The following UCP3 variants were observed in gnomAD, a reference collection of about 807,000 sequenced individuals.
The protein encoded by UCP3 is uncoupling protein 3.
In UCP3, 24 loss-of-function variants were observed where a neutral mutation model predicts 28.1. The observed-to-expected ratio is 0.85, with a 90% confidence interval of 0.62 to 1.20. UCP3 has a LOEUF of 1.20. Ranked by LOEUF, UCP3 falls within the 50% of genes most tolerant of loss-of-function variation. The probability of loss-of-function intolerance (pLI) is 0.00; values close to 1 mark genes in which losing one functional copy is unlikely to be tolerated. For synonymous variants in UCP3, 184 were observed against 171.2 expected (o/e 1.07, Z -0.59); for missense variants, 397 against 422.2 (o/e 0.94, Z 0.52).
At chr11:74,007,311 A>C in intron 1 of UCP3, 174 bp from the exon 2 acceptor site, 1 of 469,722 alleles carries the variant, frequency 2.1e-6, no homozygotes, top group Non-Finnish European at 3.9e-6. Flanking sequence ...GAATTTTGCA[A>C]TCCTCCTCCT....
At chr11:74,008,710 G>A (rs1437331423) in intron 1 of UCP3, among the ~76,000 whole-genome samples, 1 of 152,188 alleles carries the variant, frequency 6.6e-6, no homozygotes, top group Non-Finnish European at 1.5e-5. Flanking sequence ...CCCACCAGAG[G>A]CAGCCAGCAA....
Position 74,007,320 on chromosome 11 carries a change from C to T in UCP3, c.-95-183G>A, listed in dbSNP as rs553040397. 3 of 449,440 alleles carry T rather than the reference C, an allele frequency of 6.7e-6. No homozygotes were observed. The South Asian group carries it at 6.7e-5, about 10-fold the overall frequency. The allele number at this position is 449,440 out of a possible 1,614,324, so 27.8% of individuals were successfully genotyped here. ...TCCCTTGAATTTTGCAATCCTCCTC[C>T]TGACCCTCTCCCTCCCCTCCTTACC... On this transcript the variant is annotated intron_variant, in intron 1 of 6. Coordinates refer to ENST00000314032, the MANE Select transcript of UCP3 (RefSeq NM_003356.4).
rs2075577 is a variant in UCP3, at chr11:74,004,497, G to A, written c.630C>T (p.Tyr210=). 897,747 of 1,613,248 alleles carry A rather than the reference G, an allele frequency of 0.56. 254,147 individuals are homozygous for A. Among genetic ancestry groups the A allele is most frequent in the African/African-American group, 0.82 (61,381 of 74,992 alleles). Residue 210 remains tyrosine, a synonymous_variant, in exon 5 of 7, where the codon TAC becomes TAT. Coordinates refer to ENST00000314032, the MANE Select transcript of UCP3 (RefSeq NM_003356.4). ...CCAGGGCCTCACCAGTGAGCAGGTG[G>A]TAGTCCAGCAGCTTCTCCTTGAGGA... ...YDILKEKLLD[Y]HLLTDNFPCH... is the part of the protein sequence containing the mutation.
In UCP3 at chr11:74,007,130, C is replaced by A; in HGVS notation, c.-88G>T. 1 of 1,549,670 alleles carries A rather than the reference C, an allele frequency of 6.5e-7. No individual in the cohort carries two copies. Among genetic ancestry groups the A allele is most frequent in the South Asian group, 1.2e-5 (1 of 86,818 alleles). On this transcript the variant is annotated 5_prime_UTR_variant, in exon 2 of 7. Coordinates refer to ENST00000314032, the MANE Select transcript of UCP3 (RefSeq NM_003356.4). ...TCCACAGCCCTGGGCTTCAGTGCAGCGGTGGGGCTGCAGGAGACAGGCCAG... is the reference window on the plus strand; with the variant it reads ...TCCACAGCCCTGGGCTTCAGTGCAGAGGTGGGGCTGCAGGAGACAGGCCAG...
chr11:74,005,392 G>A (rs1025923183), intron 4 of UCP3, among the ~76,000 whole-genome samples: 2 of 152,170 alleles, frequency 1.3e-5, no homozygotes, highest in Non-Finnish European at 2.9e-5. Flanking sequence ...TGCAGAGCCC[G>A]CCTCTGGAGC....
chr11:74,000,617 G>T lies in UCP3; in HGVS notation c.*795C>A, dbSNP rs1951615046. ...CCGACAAAATCTCTCCCAAGGCATTGTCCTTGTAGTTAGATTTACACAGAG... is the reference window on the plus strand; with the variant it reads ...CCGACAAAATCTCTCCCAAGGCATTTTCCTTGTAGTTAGATTTACACAGAG... On this transcript the variant is annotated 3_prime_UTR_variant, in exon 7 of 7. Transcript: ENST00000314032. The T allele has an allele frequency of 6.6e-6, 1 of 152,256 alleles. No individual in the cohort carries two copies. The highest frequency in any genetic ancestry group is 6.5e-5 in the Admixed American group (1 of 15,278). 9.4% of individuals were successfully genotyped at this position (152,256 alleles called of 1,614,324 possible). A position where few individuals can be genotyped will look rare whatever the true frequency, so the allele number is the denominator to read the frequency against.
chr11:74,005,867 T>G lies in UCP3; in HGVS notation c.404A>C (p.Gln135Pro), dbSNP rs763025389. The change falls in exon 4 of 7, where the codon CAG (glutamine) becomes CCG (proline). Residue 135 changes from glutamine (Q) to proline (P), a missense_variant. By Grantham distance (76) the Gln-to-Pro change is moderately conservative. Coordinates refer to ENST00000314032, the MANE Select transcript of UCP3 (RefSeq NM_003356.4). The part of the protein sequence containing the change: ...TTGAMAVTCA[Q>P]PTDVVKVRFQ... Reference sequence around the variant, plus strand: ...TCGGACCTTCACCACATCTGTGGGCTGGGCACAGGTCACCGCCATGGCTCC... The same window carrying G: ...TCGGACCTTCACCACATCTGTGGGCGGGGCACAGGTCACCGCCATGGCTCC... 2 of 1,614,190 alleles carry G rather than the reference T, an allele frequency of 1.2e-6. No individual in the cohort carries two copies. Among genetic ancestry groups the G allele is most frequent in the Non-Finnish European group, 1.7e-6 (2 of 1,180,022 alleles).
chr11:74,004,435 T>C (rs1474951590), intron 5 of UCP3, 49 bp downstream of exon 5: 2 of 1,572,732 alleles, frequency 1.3e-6, no homozygotes, highest in Non-Finnish European at 1.7e-6. Context: ...GAGTTCTGGG[T>C]TCCCTCCCTG....
intron 5 of UCP3, 24 bp downstream of exon 5, chr11:74,004,460 C>A (rs756205603): frequency 5.0e-6 from 8 of 1,612,038 alleles, no homozygotes; most frequent in Admixed American, 3.3e-5. Flanking sequence ...GGGAGAGCTG[C>A]CTGCCTGGAG....
intron 6 of UCP3, chr11:74,002,974 C>T (rs1294555893): frequency 2.0e-6 from 2 of 978,024 alleles, no homozygotes; most frequent in Non-Finnish European, 2.4e-6. Context: ...GGGTTTGAGC[C>T]ATGGCTCCAC....
At chr11:74,006,130 T>G (rs780212008) in intron 3 of UCP3, 39 bp downstream of exon 3, 17 of 1,611,114 alleles carry the variant, frequency 1.1e-5, no homozygotes, top group Non-Finnish European at 1.4e-5. Flanking sequence ...CCACACACTT[T>G]CAGCCACCCC....
At position 74,001,252 on chromosome 11, in the gene UCP3, C is replaced by CCCT. The variant is rs1446528340; in HGVS notation, c.*157_*159dup. The CCCT allele has an allele frequency of 1.5e-6, 1 of 676,316 alleles. No individual in the cohort carries two copies. Among genetic ancestry groups the CCCT allele is most frequent in the Non-Finnish European group, 2.6e-6 (1 of 390,026 alleles). The allele number at this position is 676,316 out of a possible 1,614,324, so 41.9% of individuals were successfully genotyped here. ...GAGGCATGGCAGTGAAGACCAGAAT[C>CCCT]CCTCCTCCTCTTCTACTTCTGTTTC... On this transcript the variant is annotated 3_prime_UTR_variant, in exon 7 of 7. Transcript: ENST00000314032.
chr11:74,002,635 G>T, intron 6 of UCP3: 1 of 455,424 alleles, frequency 2.2e-6, no homozygotes, highest in Non-Finnish European at 2.9e-6. Context: ...TGCTCTTTGA[G>T]GGAGGCATAA....
chr11:74,006,933 G>A lies in UCP3; in HGVS notation c.110C>T (p.Ala37Val), dbSNP rs765735895. 6.2e-7 allele frequency: 1 copy of A among 1,614,194 alleles called. No homozygotes were observed. Among genetic ancestry groups the A allele is most frequent in the East Asian group, 2.2e-5 (1 of 44,886 alleles). Residue 37 changes from alanine (A) to valine (V), a missense_variant, in exon 2 of 7, where the codon GCC becomes GTC. Ala to Val is a moderately conservative substitution (Grantham distance 64). Transcript: ENST00000314032. ...ADLVTFPLDT[A>V]KVRLQIQGEN... ...GGCACCTACCTGCAGGCGGACCTTGGCTGTGTCCAGTGGAAAGGTAACGAG... is the reference window on the plus strand; with the variant it reads ...GGCACCTACCTGCAGGCGGACCTTGACTGTGTCCAGTGGAAAGGTAACGAG...
chr11:74,001,437 T>G lies in UCP3; in HGVS notation c.914A>C (p.Gln305Pro). Residue 305 changes from glutamine to proline, a missense_variant, in exon 7 of 7, where the codon CAG becomes CCG. Coordinates refer to ENST00000314032, the MANE Select transcript of UCP3 (RefSeq NM_003356.4). ...TCAAAACGGTGATTCCCGTAACATC[T>G]GGACTTTCATCAGGGCCCGTTTCAG... is the stretch of plus-strand genomic sequence containing the variant. ...EQLKRALMKV[Q>P]MLRESPF is the part of the protein sequence containing the mutation. 1 of 1,614,220 alleles carries G rather than the reference T, an allele frequency of 6.2e-7. No homozygotes were observed. Among genetic ancestry groups the G allele is most frequent in the Non-Finnish European group, 8.5e-7 (1 of 1,180,042 alleles).
chr11:74,005,391 C>A (rs753994072), intron 4 of UCP3, among the ~76,000 whole-genome samples: 1 of 152,182 alleles, frequency 6.6e-6, no homozygotes, highest in Non-Finnish European at 1.5e-5. Flanking sequence ...CTGCAGAGCC[C>A]GCCTCTGGAG....
intron 2 of UCP3, 51 bp from the exon 3 acceptor site, chr11:74,006,430 G>A (rs375351281): frequency 4.1e-6 from 6 of 1,470,410 alleles, no homozygotes; most frequent in Admixed American, 2.4e-5. Flanking sequence ...GCAAGAAGGG[G>A]CTGCGTGCAC....
In UCP3 at chr11:74,004,022, C is replaced by A; in HGVS notation, c.644-15G>T. On this transcript the variant is annotated splice_polypyrimidine_tract_variant and intron_variant, in intron 5 of 6. Transcript: ENST00000314032. ...GGGGAAGTTGTCTGCAGAGGAAGGA[C>A]AAGCAAATATCAAGGAGTGCATTTG... is the stretch of plus-strand genomic sequence containing the variant. The A allele has an allele frequency of 6.2e-7, 1 of 1,613,554 alleles. No homozygotes were observed. Among genetic ancestry groups the A allele is most frequent in the Non-Finnish European group, 8.5e-7 (1 of 1,179,910 alleles).
rs371361898 is a variant in UCP3, at chr11:74,006,956, G to A, written c.87C>T (p.Leu29=). Reference sequence around the variant, plus strand: ...TGGCTGTGTCCAGTGGAAAGGTAACGAGGTCAGCAAAACAGGCTGCTGTGC... The same window carrying A: ...TGGCTGTGTCCAGTGGAAAGGTAACAAGGTCAGCAAAACAGGCTGCTGTGC... The part of the protein sequence containing the change: ...GAGTAACFAD[L]VTFPLDTAKV... The change falls in exon 2 of 7, where the codon CTC becomes CTT. Residue 29 remains leucine (L), a synonymous_variant. Transcript: ENST00000314032. 8.1e-6 allele frequency: 13 copies of A among 1,614,066 alleles called. No individual in the cohort carries two copies. Among genetic ancestry groups the A allele is most frequent in the African/African-American group, 4.0e-5 (3 of 74,918 alleles).
Sources: allele counts gnomAD v4.1 joint callset (sites outside exome capture counted in the v4.1 genomes callset), GRCh38; gene constraint gnomAD v4.1.1; transcripts MANE v1.5; gene names NCBI Gene and HGNC (gene_info 2026-07-23, HGNC 2026-07-21).